The following TRIO variants were observed in gnomAD, a reference collection of about 807,000 sequenced individuals.
The protein encoded by TRIO is trio Rho guanine nucleotide exchange factor.
TRIO carries 58 observed loss-of-function variants against 351.9 expected under a neutral mutation model. The observed-to-expected ratio is 0.16, with a 90% CI of 0.13 to 0.21. The LOEUF (loss-of-function observed/expected upper bound fraction) is 0.21. Ranked by LOEUF, TRIO falls within the 10% of genes least tolerant of loss-of-function variation. The pLI is 1.00. For synonymous variants in TRIO, 1,758 were observed against 1,595.7 expected (o/e 1.10, Z -2.42); for missense variants, 3,201 against 4,027.8 (o/e 0.79, Z 5.56).
intron 54 of TRIO, among the ~76,000 whole-genome samples, chr5:14,503,029 A>G (rs1435948912): frequency 1.3e-5 from 2 of 152,152 alleles, no homozygotes; most frequent in African/African-American, 4.8e-5. Context: ...GTGCATGGAG[A>G]CTTCAAGGAG....
At chr5:14,382,933 G>A (rs1707768495) in intron 21 of TRIO, among the ~76,000 whole-genome samples, 2 of 151,872 alleles carry the variant, frequency 1.3e-5, no homozygotes, top group Non-Finnish European at 2.9e-5. Context: ...TATATGATCC[G>A]TATTTAGGGG....
At chr5:14,471,982 A>G (rs79447364) in intron 38 of TRIO, among the ~76,000 whole-genome samples, 2,527 of 152,158 alleles carry the variant, frequency 0.017, 57 homozygotes, top group African/African-American at 0.058. Context: ...ACTGTATCCC[A>G]GCACCTCCGA....
intron 9 of TRIO, among the ~76,000 whole-genome samples, chr5:14,330,385 A>G (rs1045217619): frequency 6.6e-6 from 1 of 152,240 alleles, no homozygotes; most frequent in African/African-American, 2.4e-5. Flanking sequence ...GTGTAGCTTT[A>G]AGCCTTATAA....
intron 11 of TRIO, among the ~76,000 whole-genome samples, chr5:14,346,426 C>T (rs1375636585): frequency 6.6e-6 from 1 of 152,140 alleles, no homozygotes; most frequent in Non-Finnish European, 1.5e-5. Flanking sequence ...AAATTAGATC[C>T]CTGGGTACCA....
At chr5:14,502,786 T>C (rs1383671111) in intron 54 of TRIO, 129 bp downstream of exon 54, 41 of 885,798 alleles carry the variant, frequency 4.6e-5, no homozygotes, top group African/African-American at 6.6e-5. Flanking sequence ...TGCATTTGAA[T>C]CGTAACTCTC....
intron 1 of TRIO, among the ~76,000 whole-genome samples, chr5:14,159,546 C>A (rs541311982): frequency 2.6e-5 from 4 of 151,580 alleles, no homozygotes; most frequent in African/African-American, 9.7e-5. Flanking sequence ...CATTGTTTTT[C>A]TGCTAGTGTG....
intron 34 of TRIO, among the ~76,000 whole-genome samples, chr5:14,449,656 G>A (rs1466422846): frequency 6.6e-6 from 1 of 152,166 alleles, no homozygotes; most frequent in Non-Finnish European, 1.5e-5. Context: ...GTCCTGTTCC[G>A]TTCAGGACAT....
intron 9 of TRIO, among the ~76,000 whole-genome samples, chr5:14,328,290 A>G (rs1311808406): frequency 6.6e-6 from 1 of 152,272 alleles, no homozygotes; most frequent in Non-Finnish European, 1.5e-5. Context: ...AATGAGCTCA[A>G]TACGCTAGTT....
chr5:14,310,569 T>A (rs1159669040), intron 8 of TRIO, among the ~76,000 whole-genome samples: 2 of 152,248 alleles, frequency 1.3e-5, no homozygotes, highest in Non-Finnish European at 2.9e-5. Flanking sequence ...GCAGGGTCAG[T>A]GCTATTAGCC....
chr5:14,304,377 T>G lies in TRIO; in HGVS notation c.1369-84T>G. ...TTCTTAGGATCTCCCTCAAGTCCCC[T>G]AATTTTCAAAACCATGTTAAAAAAT... is the stretch of plus-strand genomic sequence containing the variant. On this transcript the variant is annotated intron_variant, in intron 7 of 56. Transcript: ENST00000344204. 5.6e-6 allele frequency: 8 copies of G among 1,433,766 alleles called. 1 individual carries two copies. The South Asian group carries it at 9.5e-5, about 17-fold the overall frequency. 88.8% of individuals were successfully genotyped at this position (1,433,766 alleles called of 1,614,324 possible).
chr5:14,204,994 C>T (rs980779815), intron 1 of TRIO, among the ~76,000 whole-genome samples: 2 of 152,208 alleles, frequency 1.3e-5, no homozygotes, highest in East Asian at 3.8e-4. Context: ...ACCCCTTCTT[C>T]AGGGTTCCTC....
At position 14,364,835 on chromosome 5, in the gene TRIO, G is replaced by A; in HGVS notation, c.2754+19G>A. On this transcript the variant is annotated intron_variant, in intron 15 of 56. Transcript: ENST00000344204. The stretch of plus-strand genomic sequence containing the variant: ...GAAACAGGTGAGCAAACGACTGGAT[G>A]CTTGGGGAGGCTGCGCTACAGATGC... The A allele has an allele frequency of 1.3e-6, 2 of 1,597,804 alleles. No homozygotes were observed. The highest frequency in any genetic ancestry group is 1.7e-6 in the Non-Finnish European group (2 of 1,172,650).
intron 8 of TRIO, among the ~76,000 whole-genome samples, chr5:14,314,222 G>A (rs910983444): frequency 2.6e-5 from 4 of 152,168 alleles, no homozygotes; most frequent in South Asian, 2.1e-4. Flanking sequence ...AAATGCATAC[G>A]TAGTTTAATC....
intron 1 of TRIO, among the ~76,000 whole-genome samples, chr5:14,162,603 G>T (rs957146606): frequency 6.6e-6 from 1 of 152,088 alleles, no homozygotes; most frequent in Non-Finnish European, 1.5e-5. Context: ...TCAGTTCCCT[G>T]GATATATAGA....
Position 14,217,832 on chromosome 5 carries a change from T to G in TRIO, c.158-52993T>G, listed in dbSNP as rs79369343. ...GTGTGGGCATTCCCAGCCTGACACA[T>G]GGCTTGCATAAAGATTGCATAAGGT... On this transcript the variant is annotated intron_variant, in intron 1 of 56. Transcript: ENST00000344204. Among the ~76,000 whole-genome samples the G allele has an allele frequency of 3.5e-4, 54 of 152,272 alleles. No homozygotes were observed. The East Asian group carries it at 0.01, about 29-fold the overall frequency.
chr5:14,222,052 C>T (rs1449533736), intron 1 of TRIO, among the ~76,000 whole-genome samples: 3 of 152,078 alleles, frequency 2.0e-5, no homozygotes, highest in Admixed American at 1.3e-4. Flanking sequence ...CCTGAGCAGT[C>T]AGCAGCCATC....
At chr5:14,314,125 T>C (rs748156250) in intron 8 of TRIO, among the ~76,000 whole-genome samples, 6 of 152,218 alleles carry the variant, frequency 3.9e-5, no homozygotes, top group Non-Finnish European at 5.9e-5. Context: ...ATGTATGACT[T>C]GGAGCAGTAG....
At chr5:14,179,017 A>C (rs1476362946) in intron 1 of TRIO, among the ~76,000 whole-genome samples, 1 of 152,174 alleles carries the variant, frequency 6.6e-6, no homozygotes, top group Non-Finnish European at 1.5e-5. Context: ...AGAGCTCAGA[A>C]GGGGGTCTTT....
intron 1 of TRIO, among the ~76,000 whole-genome samples, chr5:14,150,591 A>G (rs1299111630): frequency 6.6e-6 from 1 of 152,246 alleles, no homozygotes; most frequent in Non-Finnish European, 1.5e-5. Flanking sequence ...CTAGAAAGAA[A>G]ATAGGCAAAC....
Sources: gnomAD v4.1 joint callset for allele counts (sites outside exome capture counted in the v4.1 genomes callset) on GRCh38, gnomAD v4.1.1 for gene constraint, MANE v1.5 for transcripts, NCBI Gene and HGNC (gene_info 2026-07-23, HGNC 2026-07-21) for gene names.